TNNT2: variants seen among roughly 807,000 people sequenced by gnomAD.
TNNT2 encodes the protein troponin T2, cardiac type.
In TNNT2, 34 loss-of-function variants were observed where a neutral mutation model predicts 62.4. The observed-to-expected ratio is 0.54, with a 90% CI of 0.41 to 0.72. TNNT2 has a LOEUF of 0.72. Among genes scored for constraint, TNNT2 ranks in the 30% least tolerant of loss-of-function variants. TNNT2 has a pLI of 0.00. For missense variants in TNNT2, 275 were observed against 381.9 expected (o/e 0.72, Z 2.33); for synonymous variants, 123 against 127.2 (o/e 0.97, Z 0.22).
intron 11 of TNNT2, 110 bp from the exon 12 acceptor site, chr1:201,363,516 A>T: frequency 1.0e-6 from 1 of 1,004,080 alleles, no homozygotes; most frequent in Non-Finnish European, 1.6e-6. Flanking sequence ...CTCTCCGCTC[A>T]GCAAGGAGCT....
chr1:201,362,265 C>T, intron 13 of TNNT2, 121 bp downstream of exon 13: 1 of 1,503,584 alleles, frequency 6.7e-7, no homozygotes, highest in Non-Finnish European at 9.1e-7. Context: ...CTCTCACCAG[C>T]TTCCCCCCTC....
rs45580032 is a variant in TNNT2 at position 201,368,150 on chromosome 1, C to A, written c.163+12G>T. The stretch of plus-strand genomic sequence containing the variant: ...CCCCCTGAGGCCCCTGCACCCTCAA[C>A]CAGAGACTTACCTTCTGCCCTGGTC... On this transcript the variant is annotated intron_variant, in intron 6 of 16. Coordinates refer to ENST00000656932, the MANE Select transcript of TNNT2 (RefSeq NM_001276345.2). 2.9e-5 allele frequency: 46 copies of A among 1,613,936 alleles called. No homozygotes were observed. Among genetic ancestry groups the A allele is most frequent in the Non-Finnish European group, 3.9e-5 (46 of 1,180,006 alleles).
chr1:201,359,697 C>A, intron 15 of TNNT2, 34 bp from the exon 16 acceptor site: 1 of 1,566,360 alleles, frequency 6.4e-7, no homozygotes, highest in Non-Finnish European at 8.7e-7. Flanking sequence ...AAGAGCAACG[C>A]TGGAGCTGAC....
At chr1:201,373,554 T>C (rs1660968664) in intron 1 of TNNT2, 1 of 478,666 alleles carries the variant, frequency 2.1e-6, no homozygotes, top group Non-Finnish European at 3.8e-6. Context: ...CTCAAGACAA[T>C]GTCTGCAGTT....
intron 1 of TNNT2, chr1:201,373,984 C>T (rs1444562380): frequency 6.4e-6 from 1 of 155,054 alleles, no homozygotes; most frequent in East Asian, 1.9e-4. Context: ...TCAAAGCACA[C>T]AGCGGGGATC....
chr1:201,373,135 A>G (rs768252959), intron 2 of TNNT2, 79 bp downstream of exon 2: 1 of 1,413,010 alleles, frequency 7.1e-7, no homozygotes, highest in South Asian at 1.1e-5. Context: ...TCCGAGGGAC[A>G]GCTGGGAGGC....
chr1:201,377,439 A>C (rs575605525), intron 1 of TNNT2, among the ~76,000 whole-genome samples, 184 bp downstream of exon 1: 1 of 152,146 alleles, frequency 6.6e-6, no homozygotes, highest in South Asian at 2.1e-4. Flanking sequence ...TCTCTGCTCT[A>C]TTGTACCAAT....
In TNNT2 at chr1:201,369,841, C is replaced by T. The variant is rs1455316152; in HGVS notation, c.72G>A (p.Glu24=). 2 of 1,614,080 alleles carry T rather than the reference C, an allele frequency of 1.2e-6. No individual in the cohort carries two copies. The change falls in exon 5 of 17, where the codon GAG becomes GAA. Residue 24 remains glutamate, a synonymous_variant. Coordinates refer to ENST00000656932, the MANE Select transcript of TNNT2 (RefSeq NM_001276345.2). ...CGTCTTCGTCCTCTCTCCAGTCCTCCTCTTCTGAGGTTCAGGGAGTGGCCG... is the reference window on the plus strand; with the variant it reads ...CGTCTTCGTCCTCTCTCCAGTCCTCTTCTTCTGAGGTTCAGGGAGTGGCCG... The part of the protein sequence containing the change: ...EEQEEAAVEE[E]EDWREDEDEQ...
chr1:201,361,501 C>A, intron 14 of TNNT2, 132 bp from the exon 15 acceptor site: 1 of 895,724 alleles, frequency 1.1e-6, no homozygotes, highest in Admixed American at 1.8e-5. Flanking sequence ...GGTACCCCAG[C>A]CCACCCCCTG....
chr1:201,365,744 G>A (rs1005150035), intron 8 of TNNT2, 74 bp from the exon 9 acceptor site: 4 of 1,585,466 alleles, frequency 2.5e-6, no homozygotes, highest in South Asian at 2.3e-5. Flanking sequence ...GACAGGCAGG[G>A]CCCTGATCCT....
At chr1:201,370,656 C>T (rs1417362038) in intron 4 of TNNT2, among the ~76,000 whole-genome samples, 5 of 152,200 alleles carry the variant, frequency 3.3e-5, no homozygotes, top group Admixed American at 1.3e-4. Flanking sequence ...AGGCAAGTCT[C>T]GTCTATTCAT....
In TNNT2 at chr1:201,376,260, T is replaced by C. The variant is rs979440113; in HGVS notation, c.-15+1363A>G. 2.6e-5 allele frequency among the ~76,000 whole-genome samples: 4 copies of C among 152,306 alleles called. No homozygotes were observed. The South Asian group carries it at 8.3e-4, about 32-fold the overall frequency. The stretch of plus-strand genomic sequence containing the variant: ...ATAGAAGGCATAAGGCATACTGACC[T>C]TGGGGTCAAAAAATCTGGGCTTAAA... On this transcript the variant is annotated intron_variant, in intron 1 of 16. Transcript: ENST00000656932.
At chr1:201,366,046 C>A (rs1659598631) in intron 8 of TNNT2, 6 of 1,163,242 alleles carry the variant, frequency 5.2e-6, no homozygotes, top group Non-Finnish European at 6.4e-6. Context: ...CCTGGTGGAC[C>A]CCGCAGAAAC....
chr1:201,361,093 C>T (rs549259746), intron 15 of TNNT2, 186 bp downstream of exon 15: 26 of 714,008 alleles, frequency 3.6e-5, no homozygotes, highest in Non-Finnish European at 6.4e-5. Context: ...TTCCAGCAAG[C>T]AGTCGTCAAT....
At chr1:201,366,498 C>G in intron 8 of TNNT2, 1 of 1,198,938 alleles carries the variant, frequency 8.3e-7, no homozygotes, top group Non-Finnish European at 1.0e-6. Context: ...CAATTTGCTT[C>G]CCTTAATCCC....
At chr1:201,364,115 C>G (rs1006591137) in intron 11 of TNNT2, 183 bp downstream of exon 11, 64 of 626,432 alleles carry the variant, frequency 1.0e-4, no homozygotes, top group Admixed American at 1.0e-4. Flanking sequence ...AACTCCCAAC[C>G]TCAAGTGATC....
At chr1:201,366,256 A>G (rs1571634777) in intron 8 of TNNT2, 4 of 1,017,374 alleles carry the variant, frequency 3.9e-6, no homozygotes, top group Non-Finnish European at 4.7e-6. Context: ...CTGGTTTCAG[A>G]AGGCCCCACT....
At position 201,366,878 on chromosome 1, in the gene TNNT2, GAGAT is replaced by G. The variant is rs776582390; in HGVS notation, c.200-11_200-8del. On this transcript the variant is annotated splice_polypyrimidine_tract_variant and splice_region_variant and intron_variant, in intron 7 of 16. Transcript: ENST00000656932. ...GACTCCTCCATTGGGCCATCTGGAGGAGATAGAAGCACACAGCCATGGGTCAGGG... is the reference window on the plus strand; with the variant it reads ...GACTCCTCCATTGGGCCATCTGGAGGAGAAGCACACAGCCATGGGTCAGGG... The G allele has an allele frequency of 1.2e-6, 2 of 1,614,136 alleles. No homozygotes were observed. Among genetic ancestry groups the G allele is most frequent in the Non-Finnish European group, 1.7e-6 (2 of 1,180,036 alleles).
In TNNT2 at chr1:201,359,636, C is replaced by G; in HGVS notation, c.838G>C (p.Asp280His). 6.3e-7 allele frequency: 1 copy of G among 1,598,810 alleles called. No homozygotes were observed. Among genetic ancestry groups the G allele is most frequent in the Non-Finnish European group, 8.5e-7 (1 of 1,171,222 alleles). Residue 280 changes from aspartate (D) to histidine (H), a missense_variant, in exon 16 of 17, where the codon GAT (aspartate) becomes CAT (histidine). Asp to His is a moderately conservative substitution (Grantham distance 81). Coordinates refer to ENST00000656932, the MANE Select transcript of TNNT2 (RefSeq NM_001276345.2). ...EINVLRNRIN[D>H]NQKVSKTRGK... ...TCAGACACTTACACTTTCTGGTTAT[C>G]GTTGATCCTGTTTCGGAGAACATTG...
Sources: allele counts gnomAD v4.1 joint callset (sites outside exome capture counted in the v4.1 genomes callset), GRCh38; gene constraint gnomAD v4.1.1; transcripts MANE v1.5; gene names NCBI Gene and HGNC (gene_info 2026-07-23, HGNC 2026-07-21).